PSORS1C1: variants seen among roughly 807,000 people sequenced by gnomAD.
PSORS1C1 encodes the protein psoriasis susceptibility 1 candidate 1.
PSORS1C1 carries 7 observed loss-of-function variants against 9.4 expected under a neutral mutation model. The observed-to-expected ratio is 0.75, with a 90% confidence interval of 0.42 to 1.40. The LOEUF is 1.40. PSORS1C1 is among the 40% of genes most tolerant of loss of function. PSORS1C1 has a pLI of 0.01. For missense variants in PSORS1C1, 146 were observed against 178.1 expected (o/e 0.82, Z 1.02); for synonymous variants, 63 against 69.4 (o/e 0.91, Z 0.46).
intron 3 of PSORS1C1, among the ~76,000 whole-genome samples, chr6:31,136,528 C>T (rs1291665079): frequency 6.6e-6 from 1 of 151,944 alleles, no homozygotes. Flanking sequence ...TTCATTCTAG[C>T]GGGGGGCACA....
Position 31,139,023 on chromosome 6 carries a change from T to G in PSORS1C1, c.167+244T>G. 1 of 1,614,056 alleles carries G rather than the reference T, an allele frequency of 6.2e-7. No individual in the cohort carries two copies. The highest frequency in any genetic ancestry group is 8.5e-7 in the Non-Finnish European group (1 of 1,179,980). On this transcript the variant is annotated intron_variant, in intron 5 of 5. Coordinates refer to ENST00000259881, the MANE Select transcript of PSORS1C1 (RefSeq NM_014068.3). This position sits in a 1 kb window ranked among gnomAD's most constrained non-coding sequence, Gnocchi z 5.2. ...ATCCCCAGGAGCTTCCAGTTGAGGA[T>G]CATGGCTATGTACTGGCCCCCAAAG... is the stretch of plus-strand genomic sequence containing the variant.
Position 31,139,022 on chromosome 6 carries a change from A to G in PSORS1C1, c.167+243A>G. On this transcript the variant is annotated intron_variant, in intron 5 of 5. Coordinates refer to ENST00000259881, the MANE Select transcript of PSORS1C1 (RefSeq NM_014068.3). This position sits in a 1 kb window ranked among gnomAD's most constrained non-coding sequence, Gnocchi z 5.2. ...GATCCCCAGGAGCTTCCAGTTGAGG[A>G]TCATGGCTATGTACTGGCCCCCAAA... The G allele has an allele frequency of 6.2e-7, 1 of 1,614,046 alleles. No individual in the cohort carries two copies. The highest frequency in any genetic ancestry group is 1.3e-5 in the African/African-American group (1 of 75,028).
chr6:31,132,836 G>A (rs1174716624), intron 3 of PSORS1C1, among the ~76,000 whole-genome samples: 1 of 150,214 alleles, frequency 6.7e-6, no homozygotes, highest in African/African-American at 2.4e-5. Context: ...GTGACAGAGT[G>A]AGACCCTGTC....
intron 1 of PSORS1C1, among the ~76,000 whole-genome samples, chr6:31,122,329 C>A (rs566152828): frequency 6.6e-6 from 1 of 152,326 alleles, no homozygotes; most frequent in East Asian, 1.9e-4. Flanking sequence ...CATCCTTCCA[C>A]TGGGGGAGAC....
chr6:31,117,700 G>A, intron 1 of PSORS1C1: 1 of 634,468 alleles, frequency 1.6e-6, no homozygotes, highest in South Asian at 1.9e-5. Flanking sequence ...AGGATATTGA[G>A]GTGGCCGAAT....
Position 31,139,536 on chromosome 6 carries a change from C to T in PSORS1C1, c.168-105C>T. The T allele has an allele frequency of 2.7e-6, 3 of 1,117,864 alleles. No individual in the cohort carries two copies. Among genetic ancestry groups the T allele is most frequent in the Non-Finnish European group, 3.8e-6 (3 of 784,674 alleles). The allele number at this position is 1,117,864 out of a possible 1,614,324, so 69.2% of individuals were successfully genotyped here. A position where few individuals can be genotyped will look rare whatever the true frequency, so the allele number is the denominator to read the frequency against. On this transcript the variant is annotated intron_variant, in intron 5 of 5. Coordinates refer to ENST00000259881, the MANE Select transcript of PSORS1C1 (RefSeq NM_014068.3). The surrounding 1 kb of genome is among the most constrained non-coding windows in gnomAD (Gnocchi z 5.2). ...GTCAGCTACTACCCCAGCCTCCCCA[C>T]TCACCCCCGCACTGAAAGCTCCCCC...
At chr6:31,122,679 T>C (rs1772516497) in intron 1 of PSORS1C1, among the ~76,000 whole-genome samples, 1 of 152,158 alleles carries the variant, frequency 6.6e-6, no homozygotes, top group African/African-American at 2.4e-5. Context: ...CTCGGGAGGC[T>C]GAGGCAGGAG....
chr6:31,120,515 G>A (rs1214404234), intron 1 of PSORS1C1: 13 of 1,080,110 alleles, frequency 1.2e-5, no homozygotes, highest in African/African-American at 4.7e-5. Flanking sequence ...TCACTGTGGG[G>A]AGAGGAGGAG....
In PSORS1C1 at chr6:31,134,496, T is replaced by G. The variant is rs75881311; in HGVS notation, c.14-3934T>G. Among the ~76,000 whole-genome samples, 1,314 of 151,650 alleles carry G rather than the reference T, an allele frequency of 8.7e-3. 12 individuals carry two copies. Among genetic ancestry groups the G allele is most frequent in the Middle Eastern group, 0.024 (7 of 288 alleles). ...TTTTTTTGTATTTTTTAGTAGAGAC[T>G]GGGTTTCACCATGTTAGCCAGGATG... On this transcript the variant is annotated intron_variant, in intron 3 of 5. Transcript: ENST00000259881.
chr6:31,139,931 A>AGCTTACGGGG lies in PSORS1C1; in HGVS notation c.458_459insGCTTACGGGG (p.Ter153=). 2 of 1,608,516 alleles carry AGCTTACGGGG rather than the reference A, an allele frequency of 1.2e-6. No individual in the cohort carries two copies. Among genetic ancestry groups the AGCTTACGGGG allele is most frequent in the African/African-American group, 2.7e-5 (2 of 73,974 alleles). ...CCTTTTGGTCTCAGCTCCTTGATCTAAGCCTCCCAGAGAGACCCCTAGAAC... is the reference window on the plus strand; with the variant it reads ...CCTTTTGGTCTCAGCTCCTTGATCTAGCTTACGGGGAGCCTCCCAGAGAGACCCCTAGAAC... On this transcript the variant is annotated frameshift_variant and stop_retained_variant, in exon 6 of 6. Transcript: ENST00000259881. LOFTEE classifies it high-confidence loss of function. This position sits in a 1 kb window ranked among gnomAD's most constrained non-coding sequence, Gnocchi z 5.2.
rs765082620 is a variant in PSORS1C1 at position 31,116,919 on chromosome 6, G to C, written c.-229+2028G>C. 36 of 1,614,128 alleles carry C rather than the reference G, an allele frequency of 2.2e-5. No individual in the cohort carries two copies. The highest frequency in any genetic ancestry group is 2.8e-5 in the Non-Finnish European group (33 of 1,179,980). On this transcript the variant is annotated intron_variant, in intron 1 of 5. Coordinates refer to ENST00000259881, the MANE Select transcript of PSORS1C1 (RefSeq NM_014068.3). The stretch of plus-strand genomic sequence containing the variant: ...GGATGTAGGGGCCGGAGTGCGAGAC[G>C]ATGGGCCCTCCACTGCAGGGAGAGT...
At chr6:31,120,453 TCAA>T in intron 1 of PSORS1C1, 1 of 1,525,406 alleles carries the variant, frequency 6.6e-7, no homozygotes, top group Non-Finnish European at 8.9e-7. Context: ...TGATGGCAGC[TCAA>T]GGACACCCGG....
chr6:31,120,223 C>T, intron 1 of PSORS1C1: 1 of 832,118 alleles, frequency 1.2e-6, no homozygotes. Flanking sequence ...TGAGGAGCAA[C>T]CCCCAGACTC....
intron 1 of PSORS1C1, chr6:31,118,681 G>A (rs1581840398): frequency 6.6e-6 from 1 of 152,188 alleles, no homozygotes; most frequent in Middle Eastern, 3.4e-3. Context: ...AGCCCCTCCA[G>A]GTCCCACGTG....
chr6:31,119,229 A>G (rs907861974), intron 1 of PSORS1C1, among the ~76,000 whole-genome samples: 21 of 152,126 alleles, frequency 1.4e-4, no homozygotes, highest in African/African-American at 4.8e-4. Flanking sequence ...CCAGACTGCC[A>G]TCCTCTGTGA....
chr6:31,138,373 A>AC, intron 3 of PSORS1C1, 57 bp from the exon 4 acceptor site: 1 of 1,059,240 alleles, frequency 9.4e-7, no homozygotes, highest in Non-Finnish European at 1.4e-6. Context: ...ACCCAGCCCC[A>AC]GCCCCAGGAG....
At chr6:31,131,044 G>A (rs947311585) in intron 3 of PSORS1C1, among the ~76,000 whole-genome samples, 2 of 151,942 alleles carry the variant, frequency 1.3e-5, no homozygotes, top group African/African-American at 4.8e-5. Flanking sequence ...CCCAGGCCCA[G>A]GCACAGTTCT....
At chr6:31,137,688 G>A (rs938980711) in intron 3 of PSORS1C1, 43 of 380,554 alleles carry the variant, frequency 1.1e-4, no homozygotes, top group African/African-American at 8.5e-4. Flanking sequence ...GGAGGTAGGT[G>A]CGGCCGAGGC....
chr6:31,119,402 G>A (rs761823297), intron 1 of PSORS1C1, among the ~76,000 whole-genome samples: 15 of 152,110 alleles, frequency 9.9e-5, no homozygotes, highest in East Asian at 1.9e-4. Context: ...TGGGAAGGTC[G>A]CAGAAATTCC....
Sources: allele counts gnomAD v4.1 joint callset (sites outside exome capture counted in the v4.1 genomes callset), GRCh38; gene constraint gnomAD v4.1.1; non-coding constraint Gnocchi (gnomAD v3.1); transcripts MANE v1.5; gene names NCBI Gene and HGNC (gene_info 2026-07-23, HGNC 2026-07-21).